EYS: variants seen among roughly 807,000 people sequenced by gnomAD.
The protein encoded by EYS is EGF-like photoreceptor maintenance factor.
EYS carries 250 observed loss-of-function variants against 282.1 expected under a neutral mutation model. The ratio of observed to expected loss-of-function variants is 0.89; its 90% CI spans 0.80 to 0.98. The LOEUF (loss-of-function observed/expected upper bound fraction) is 0.98. EYS is among the 50% of genes least tolerant of loss of function. The pLI is 0.00. For synonymous variants in EYS, 1,355 were observed against 1,282.9 expected (o/e 1.06, Z -1.20); for missense variants, 4,016 against 3,709.0 (o/e 1.08, Z -2.15).
At chr6:63,922,883 G>A (rs1346676727) in intron 35 of EYS, among the ~76,000 whole-genome samples, 3 of 152,268 alleles carry the variant, frequency 2.0e-5, no homozygotes, top group African/African-American at 7.2e-5. Flanking sequence ...CCCAGGATTG[G>A]GAGCCAGCTG....
intron 26 of EYS, among the ~76,000 whole-genome samples, chr6:64,535,940 TTATTA>T (rs1257297301): frequency 6.6e-6 from 1 of 152,086 alleles, no homozygotes. Context: ...AAGACTTGCA[TTATTA>T]TATTAATCAT....
chr6:64,057,591 G>A (rs1446369068), intron 33 of EYS, among the ~76,000 whole-genome samples: 1 of 152,128 alleles, frequency 6.6e-6, no homozygotes, highest in African/African-American at 2.4e-5. Context: ...ACTATCCAAA[G>A]AGAGATGTCT....
intron 41 of EYS, among the ~76,000 whole-genome samples, chr6:63,757,631 C>G (rs927585139): frequency 2.6e-5 from 4 of 152,052 alleles, no homozygotes; most frequent in African/African-American, 9.7e-5. Flanking sequence ...ACACACCTAC[C>G]AATATGTGAT....
At chr6:64,420,478 T>C (rs1005042797) in intron 28 of EYS, among the ~76,000 whole-genome samples, 1 of 151,622 alleles carries the variant, frequency 6.6e-6, no homozygotes, top group Non-Finnish European at 1.5e-5. Flanking sequence ...CCCCAGAAAA[T>C]GGGTTTTGGT....
intron 1 of EYS, among the ~76,000 whole-genome samples, chr6:65,694,579 T>G (rs1466257757): frequency 6.7e-6 from 1 of 150,052 alleles, no homozygotes; most frequent in Non-Finnish European, 1.5e-5. Flanking sequence ...CTCAGGTAAC[T>G]AAAACTATAA....
chr6:64,502,464 G>C (rs571845075), intron 26 of EYS, among the ~76,000 whole-genome samples: 6 of 152,068 alleles, frequency 3.9e-5, no homozygotes, highest in African/African-American at 1.4e-4. Context: ...CTCGTGATCC[G>C]CCCGCCTCGG....
intron 19 of EYS, among the ~76,000 whole-genome samples, chr6:64,869,392 G>T (rs1369184158): frequency 6.6e-6 from 1 of 151,452 alleles, no homozygotes; most frequent in Non-Finnish European, 1.5e-5. Flanking sequence ...TGCCCTCATG[G>T]AACTTTGTTC....
At chr6:64,087,874 A>G (rs1328799492) in intron 31 of EYS, among the ~76,000 whole-genome samples, 6 of 152,026 alleles carry the variant, frequency 3.9e-5, no homozygotes, top group African/African-American at 1.5e-4. Context: ...TTATTCTGAG[A>G]AGCAATGAAC....
intron 26 of EYS, among the ~76,000 whole-genome samples, chr6:64,520,104 AGGTTCACT>A (rs935562899): frequency 6.6e-6 from 1 of 151,786 alleles, no homozygotes; most frequent in African/African-American, 2.4e-5. Context: ...CCTGGCTAAG[AGGTTCACT>A]GGTTCACTTG....
intron 12 of EYS, among the ~76,000 whole-genome samples, chr6:65,130,131 G>C (rs1775829885): frequency 6.6e-6 from 1 of 151,682 alleles, no homozygotes; most frequent in African/African-American, 2.4e-5. Context: ...ATAAAAATAG[G>C]AAAAAATAGA....
chr6:63,833,753 A>G (rs888569044), intron 36 of EYS, among the ~76,000 whole-genome samples: 4 of 152,142 alleles, frequency 2.6e-5, no homozygotes, highest in Admixed American at 6.5e-5. Context: ...CATTGCCAAG[A>G]CAATCCTAAG....
At chr6:64,854,472 C>G (rs139796238) in intron 19 of EYS, among the ~76,000 whole-genome samples, 2,597 of 151,824 alleles carry the variant, frequency 0.017, 75 homozygotes, top group African/African-American at 0.06. Flanking sequence ...AACCATTATT[C>G]TCAGCAAACT....
intron 5 of EYS, among the ~76,000 whole-genome samples, chr6:65,428,669 C>A (rs1365842904): frequency 6.6e-6 from 1 of 152,108 alleles, no homozygotes; most frequent in Non-Finnish European, 1.5e-5. Flanking sequence ...AAACTCCACC[C>A]ATGCCCTCAG....
At chr6:63,859,384 A>G (rs969321953) in intron 36 of EYS, among the ~76,000 whole-genome samples, 4 of 152,038 alleles carry the variant, frequency 2.6e-5, no homozygotes, top group Admixed American at 6.6e-5. Flanking sequence ...TAAAATGGAA[A>G]TTTTAACCCA....
At chr6:65,682,945 C>G (rs1213144664) in intron 1 of EYS, among the ~76,000 whole-genome samples, 1 of 151,870 alleles carries the variant, frequency 6.6e-6, no homozygotes, top group Non-Finnish European at 1.5e-5. Flanking sequence ...AGGCCACTAT[C>G]AATAAGTTGG....
rs1205631428 is a variant in EYS at position 65,266,470 on chromosome 6, G to A, written c.2023+29393C>T. Reference sequence around the variant, plus strand: ...AAAAGCTACTTTACAAAGATTTGTTGCATGCATGCATGAATGAATGAATGA... The same window carrying A: ...AAAAGCTACTTTACAAAGATTTGTTACATGCATGCATGAATGAATGAATGA... On this transcript the variant is annotated intron_variant, in intron 12 of 42. Coordinates refer to ENST00000503581, the MANE Select transcript of EYS (RefSeq NM_001142800.2). Among the ~76,000 whole-genome samples, 7 of 151,910 alleles carry A rather than the reference G, an allele frequency of 4.6e-5. No homozygotes were observed. The East Asian group carries it at 1.2e-3, about 25-fold the overall frequency.
At chr6:64,573,849 A>G (rs1290008056) in intron 26 of EYS, among the ~76,000 whole-genome samples, 1 of 152,198 alleles carries the variant, frequency 6.6e-6, no homozygotes, top group East Asian at 1.9e-4. Context: ...TAGTTCAATC[A>G]TTGTGGAAGA....
At chr6:65,561,274 C>T (rs1769047739) in intron 2 of EYS, among the ~76,000 whole-genome samples, 1 of 152,132 alleles carries the variant, frequency 6.6e-6, no homozygotes, top group African/African-American at 2.4e-5. Flanking sequence ...ATTAACATTA[C>T]ACTCTATAAC....
chr6:64,420,833 C>A (rs1260093500), intron 28 of EYS, among the ~76,000 whole-genome samples: 1 of 152,220 alleles, frequency 6.6e-6, no homozygotes, highest in African/African-American at 2.4e-5. Context: ...CCATCTGAGA[C>A]CACCTCAGCC....
Sources: gnomAD v4.1 joint callset for allele counts (sites outside exome capture counted in the v4.1 genomes callset) on GRCh38, gnomAD v4.1.1 for gene constraint, MANE v1.5 for transcripts, NCBI Gene and HGNC (gene_info 2026-07-23, HGNC 2026-07-21) for gene names.